Variants in ZNF536 observed in about 807,000 individuals in gnomAD.
ZNF536 encodes zinc finger protein 536.
In ZNF536, 13 loss-of-function variants were observed where a neutral mutation model predicts 84.5. The observed-to-expected ratio is 0.15, with a 90% CI of 0.10 to 0.24. ZNF536 has a LOEUF of 0.24. ZNF536 is among the 10% of genes least tolerant of loss of function. The pLI is 1.00. For missense variants in ZNF536, 1,536 were observed against 1,747.5 expected, an observed-to-expected ratio of 0.88 and a Z score of 2.16; for synonymous variants, 811 against 742.5, an observed-to-expected ratio of 1.09 and a Z score of -1.50.
At chr19:30,419,455 A>C (rs4805561) in intron 1 of ZNF536, among the ~76,000 whole-genome samples, 60,864 of 151,896 alleles carry the variant, frequency 0.4, 13,101 homozygotes, top group East Asian at 0.7. Flanking sequence ...ACCAGTTTTC[A>C]CTCCTTCCAG....
intron 1 of ZNF536, among the ~76,000 whole-genome samples, chr19:30,617,580 G>C (rs1282065329): frequency 6.6e-6 from 1 of 151,582 alleles, no homozygotes; most frequent in Non-Finnish European, 1.5e-5. Context: ...TCGATCTCCT[G>C]ACCTCGTGAT....
At chr19:30,232,679 CTT>C (rs2023157449) in intron 1 of ZNF536, among the ~76,000 whole-genome samples, 1 of 152,192 alleles carries the variant, frequency 6.6e-6, no homozygotes, top group Non-Finnish European at 1.5e-5. Flanking sequence ...ATGCTCTGAG[CTT>C]GCTCGAGGTG....
At chr19:30,385,409 G>A (rs566174061) in intron 1 of ZNF536, among the ~76,000 whole-genome samples, 17 of 152,220 alleles carry the variant, frequency 1.1e-4, no homozygotes, top group African/African-American at 3.1e-4. Flanking sequence ...GCTGCCTGAC[G>A]GGTGTCTCCC....
At chr19:30,580,046 C>A (rs2046866133) in intron 1 of ZNF536, among the ~76,000 whole-genome samples, 1 of 152,194 alleles carries the variant, frequency 6.6e-6, no homozygotes, top group South Asian at 2.1e-4. Flanking sequence ...AGTCTGAAAG[C>A]CCCTGGCCTC....
chr19:30,486,060 G>C (rs2054291417), intron 2 of ZNF536, among the ~76,000 whole-genome samples: 1 of 152,120 alleles, frequency 6.6e-6, no homozygotes, highest in African/African-American at 2.4e-5. Context: ...CAGTCTGCCA[G>C]TGACACATGT....
In ZNF536 at chr19:30,268,744, A is replaced by G. The variant is rs530995351; in HGVS notation, c.-189-15328A>G. 5.9e-5 allele frequency among the ~76,000 whole-genome samples: 9 copies of G among 152,338 alleles called. No homozygotes were observed. The South Asian group carries it at 1.9e-3, about 32-fold the overall frequency. On this transcript the variant is annotated intron_variant, in intron 1 of 5. Transcript: ENST00000585628. ...TAGAGTTGAAATAAATTGGAGAATG[A>G]AGCGAACATTCCTCGCCGCTTCAGT...
At chr19:30,412,862 G>A (rs1024968046) in intron 1 of ZNF536, among the ~76,000 whole-genome samples, 4 of 151,580 alleles carry the variant, frequency 2.6e-5, no homozygotes, top group African/African-American at 9.7e-5. Flanking sequence ...AAAGTGATGA[G>A]GCTTTTTTTT....
intron 1 of ZNF536, among the ~76,000 whole-genome samples, chr19:30,667,625 C>CTTTTTT (rs57656065): frequency 2.4e-5 from 3 of 124,024 alleles, no homozygotes; most frequent in African/African-American, 6.4e-5. Flanking sequence ...TTTTTTCTAG[C>CTTTTTT]TTTTTTTTTT....
rs149079238 is a variant in ZNF536 at position 30,549,196 on chromosome 19, C to T, written c.3577C>T (p.Pro1193Ser). The T allele has an allele frequency of 1.7e-5, 28 of 1,613,956 alleles. 1 individual carries two copies. The highest frequency in any genetic ancestry group is 1.2e-4 in the Admixed American group (7 of 60,004). Reference sequence around the variant, plus strand: ...AACCGAACCGGAAATGATGACCAAGCCACTGTCTGCCCTCAGCAAAGACAG... The same window carrying T: ...AACCGAACCGGAAATGATGACCAAGTCACTGTCTGCCCTCAGCAAAGACAG... ...VETEPEMMTKPLSALSKDSSS... is the reference protein window; with the variant it reads ...VETEPEMMTKSLSALSKDSSS... Residue 1193 changes from proline (P) to serine (S), a missense_variant, in exon 4 of 5, where the codon CCA (proline) becomes TCA (serine). Pro to Ser is a moderately conservative substitution (Grantham distance 74). This residue lies in a region of ZNF536 where 624 missense variants were observed against 603.1 expected (regional missense o/e 1.03). Transcript: ENST00000355537.
chr19:30,250,476 C>T (rs908956794), intron 1 of ZNF536, among the ~76,000 whole-genome samples: 9 of 152,110 alleles, frequency 5.9e-5, no homozygotes, highest in African/African-American at 1.9e-4. Context: ...TCTCTGGCAT[C>T]GTGTGTCTGT....
intron 3 of ZNF536, among the ~76,000 whole-genome samples, chr19:30,543,770 G>T (rs554706943): frequency 6.6e-6 from 1 of 152,206 alleles, no homozygotes; most frequent in Non-Finnish European, 1.5e-5. Context: ...GGCCAACGTT[G>T]TAAGTAGTTT....
At chr19:30,381,424 G>A (rs1399601649) in intron 1 of ZNF536, among the ~76,000 whole-genome samples, 1 of 152,206 alleles carries the variant, frequency 6.6e-6, no homozygotes, top group African/African-American at 2.4e-5. Context: ...GGGACAGGGT[G>A]CCTCATTCAG....
chr19:30,321,652 C>T (rs1004198830), intron 2 of ZNF536, among the ~76,000 whole-genome samples: 2 of 151,486 alleles, frequency 1.3e-5, no homozygotes, highest in South Asian at 4.2e-4. Flanking sequence ...CCTTAATTAC[C>T]CCTGTTCCAA....
chr19:30,319,322 T>C (rs2046783370), intron 2 of ZNF536, among the ~76,000 whole-genome samples: 1 of 152,218 alleles, frequency 6.6e-6, no homozygotes, highest in Non-Finnish European at 1.5e-5. Context: ...TATCTTTTAA[T>C]TTTTTTAAAA....
At chr19:30,478,661 G>A (rs2053951090) in intron 2 of ZNF536, among the ~76,000 whole-genome samples, 1 of 152,176 alleles carries the variant, frequency 6.6e-6, no homozygotes, top group Non-Finnish European at 1.5e-5. Context: ...CACATAGCAG[G>A]CACTCAGTAA....
rs1349049383 is a variant in ZNF536 at position 30,541,394 on chromosome 19, GATGA to G, written c.2323+6397_2323+6400del. ...GTGGGGGACCAACCACCTGAGTAAT[GATGA>G]AAAAAAAAAAAAAATCTCCAAAAGG... On this transcript the variant is annotated intron_variant, in intron 3 of 4. Transcript: ENST00000355537. Among the ~76,000 whole-genome samples the G allele has an allele frequency of 2.2e-5, 3 of 139,106 alleles. No individual in the cohort carries two copies. In the South Asian group the frequency reaches 6.7e-4, roughly 31 times the overall value. The allele number at this position is 139,106 out of a possible 152,430, so 91.3% of individuals were successfully genotyped here.
chr19:30,246,417 A>G (rs189392700), intron 1 of ZNF536, among the ~76,000 whole-genome samples: 1 of 152,326 alleles, frequency 6.6e-6, no homozygotes, highest in African/African-American at 2.4e-5. Flanking sequence ...GCGGCATCAA[A>G]TGTTTTCCTT....
chr19:30,594,648 G>A lies in ZNF536; in HGVS notation c.169+45134G>A, dbSNP rs549227558. Among the ~76,000 whole-genome samples, 329 of 152,186 alleles carry A rather than the reference G, an allele frequency of 2.2e-3. 4 individuals carry two copies. Among genetic ancestry groups the A allele is most frequent in the African/African-American group, 6.8e-3 (284 of 41,546 alleles). On this transcript the variant is annotated intron_variant, in intron 1 of 1. Transcript: ENST00000592773. ...TGGAGCCTGCTGGAGAGAGGCAGGGGGCACACCAGGGCACCCCCTGGGTGA... is the reference window on the plus strand; with the variant it reads ...TGGAGCCTGCTGGAGAGAGGCAGGGAGCACACCAGGGCACCCCCTGGGTGA...
In ZNF536 at chr19:30,445,531, C is replaced by A. The variant is rs775852776; in HGVS notation, c.1969C>A (p.Arg657Ser). The stretch of plus-strand genomic sequence containing the variant: ...GCACTCCCGTGTCCACAAGCGGGAC[C>A]GCAAGGGCGAGGAGGATGGGCTGCA... Reference protein sequence around the residue: ...VVHSRVHKRDRKGEEDGLHVG... With the variant: ...VVHSRVHKRDSKGEEDGLHVG... Residue 657 changes from arginine to serine, a missense_variant, in exon 2 of 5, where the codon CGC (arginine) becomes AGC (serine). Around this residue, in one of 8 missense-constraint regions of ZNF536, gnomAD observed 366 missense variants for 364.4 expected, o/e 1.00. Transcript: ENST00000355537. The surrounding 1 kb of genome is among the most constrained non-coding windows in gnomAD (Gnocchi z 4.5). 1.2e-6 allele frequency: 2 copies of A among 1,613,712 alleles called. No homozygotes were observed. Among genetic ancestry groups the A allele is most frequent in the African/African-American group, 1.3e-5 (1 of 75,020 alleles).
Sources: gnomAD v4.1 joint callset for allele counts (sites outside exome capture counted in the v4.1 genomes callset) on GRCh38, gnomAD v4.1.1 for gene constraint, gnomAD v4.1.1 regional missense constraint, Gnocchi (gnomAD v3.1) non-coding constraint, MANE v1.5 for transcripts, NCBI Gene and HGNC (gene_info 2026-07-23, HGNC 2026-07-21) for gene names.